CHD6: variants seen among roughly 807,000 people sequenced by gnomAD.
The protein encoded by CHD6 is ATP-dependent chromatin remodeler CHD6.
CHD6 carries 50 observed loss-of-function variants against 276.9 expected under a neutral mutation model. The observed-to-expected ratio is 0.18, with a 90% confidence interval of 0.14 to 0.23. The LOEUF (loss-of-function observed/expected upper bound fraction) is 0.23. Among genes scored for constraint, CHD6 ranks in the 10% least tolerant of loss-of-function variants. CHD6 has a pLI of 1.00. For synonymous variants in CHD6, 1,173 were observed against 1,229.3 expected (o/e 0.95, Z 0.96); for missense variants, 2,564 against 3,365.8 (o/e 0.76, Z 5.89).
At chr20:41,592,641 AT>A (rs1483117532) in intron 1 of CHD6, among the ~76,000 whole-genome samples, 1 of 152,240 alleles carries the variant, frequency 6.6e-6, no homozygotes, top group Non-Finnish European at 1.5e-5. Flanking sequence ...AGATTTAAAA[AT>A]GCCTGCTTCT....
intron 3 of CHD6, among the ~76,000 whole-genome samples, chr20:41,516,320 T>C (rs6102444): frequency 0.38 from 57,227 of 151,902 alleles, 13,406 homozygotes; most frequent in African/African-American, 0.64. Context: ...TCACCACGCA[T>C]GGCTAATTGT....
chr20:41,488,350 T>G, intron 13 of CHD6, 78 bp downstream of exon 13: 1 of 1,292,856 alleles, frequency 7.7e-7, no homozygotes, highest in Non-Finnish European at 1.1e-6. Context: ...ATAAGTTACA[T>G]GCAGAATGGC....
chr20:41,409,170 G>A (rs1324598753), intron 36 of CHD6, among the ~76,000 whole-genome samples: 1 of 152,186 alleles, frequency 6.6e-6, no homozygotes, highest in Non-Finnish European at 1.5e-5. Context: ...GCTGGCAAAG[G>A]AAGTCAGCTT....
At chr20:41,423,356 T>C (rs1379854981) in intron 30 of CHD6, 136 bp downstream of exon 30, 2 of 765,376 alleles carry the variant, frequency 2.6e-6, no homozygotes, top group Non-Finnish European at 4.4e-6. Flanking sequence ...CATGAATTTC[T>C]AAAAGCCACT....
At chr20:41,483,204 T>G in intron 16 of CHD6, 105 bp downstream of exon 16, 1 of 976,226 alleles carries the variant, frequency 1.0e-6, no homozygotes, top group Non-Finnish European at 1.5e-6. Flanking sequence ...TTTCCTCCGT[T>G]TTTGAATGTT....
At chr20:41,485,948 AAAAT>A (rs1285912924) in intron 14 of CHD6, 2 of 152,294 alleles carry the variant, frequency 1.3e-5, no homozygotes, top group African/African-American at 2.4e-5. Flanking sequence ...GTCGATTAAA[AAAAT>A]AAAGCCAAAA....
At chr20:41,418,121 G>A (rs892298192) in intron 31 of CHD6, among the ~76,000 whole-genome samples, 8 of 152,164 alleles carry the variant, frequency 5.3e-5, no homozygotes, top group African/African-American at 1.7e-4. Context: ...GAGCTGCAGC[G>A]ACCTGACCAT....
intron 1 of CHD6, among the ~76,000 whole-genome samples, chr20:41,573,363 A>T (rs1410458347): frequency 6.6e-6 from 1 of 152,240 alleles, no homozygotes; most frequent in African/African-American, 2.4e-5. Flanking sequence ...TAACTATCTG[A>T]TGAATGAATG....
chr20:41,519,256 C>G (rs1535224), intron 3 of CHD6, among the ~76,000 whole-genome samples: 70,691 of 151,920 alleles, frequency 0.47, 17,753 homozygotes, highest in African/African-American at 0.66. Flanking sequence ...GCACTCCAAC[C>G]TGACTGTCAG....
chr20:41,413,615 T>C, intron 34 of CHD6, 100 bp from the exon 35 acceptor site: 1 of 1,024,400 alleles, frequency 9.8e-7, no homozygotes, highest in Admixed American at 2.9e-5. Flanking sequence ...ACTCCACCTA[T>C]TTCCACCCTG....
chr20:41,607,776 A>C (rs557300012), intron 1 of CHD6, among the ~76,000 whole-genome samples: 29 of 152,004 alleles, frequency 1.9e-4, no homozygotes, highest in Admixed American at 1.8e-3. Flanking sequence ...GAAAAAAAAA[A>C]AAAAAACACC....
chr20:41,420,255 C>A (rs952571554), intron 31 of CHD6, among the ~76,000 whole-genome samples: 3 of 152,210 alleles, frequency 2.0e-5, no homozygotes, highest in Non-Finnish European at 2.9e-5. Flanking sequence ...TGAAAACACA[C>A]AAGCCCCTGC....
intron 36 of CHD6, among the ~76,000 whole-genome samples, chr20:41,406,290 C>A (rs138942022): frequency 6.6e-6 from 1 of 152,342 alleles, no homozygotes; most frequent in Non-Finnish European, 1.5e-5. Flanking sequence ...GAGGTTCACT[C>A]TCCAATTTTC....
chr20:41,590,394 C>G (rs926885348), intron 1 of CHD6, among the ~76,000 whole-genome samples: 3 of 152,130 alleles, frequency 2.0e-5, no homozygotes, highest in Non-Finnish European at 4.4e-5. Flanking sequence ...AGCTTCTGCA[C>G]AGCAAAAGAA....
At chr20:41,589,133 T>C (rs999538560) in intron 1 of CHD6, among the ~76,000 whole-genome samples, 5 of 152,294 alleles carry the variant, frequency 3.3e-5, no homozygotes, top group African/African-American at 2.4e-5. Flanking sequence ...ATTATCTCAA[T>C]AGATGCAGAA....
intron 1 of CHD6, among the ~76,000 whole-genome samples, chr20:41,555,766 G>C (rs1314110061): frequency 6.6e-6 from 1 of 151,746 alleles, no homozygotes; most frequent in Non-Finnish European, 1.5e-5. Context: ...TCACTTTCCA[G>C]ACTGGGCAGC....
At chr20:41,584,369 C>T (rs6016582) in intron 1 of CHD6, among the ~76,000 whole-genome samples, 60,816 of 151,998 alleles carry the variant, frequency 0.4, 15,628 homozygotes, top group African/African-American at 0.71. Flanking sequence ...AGGAGAAATA[C>T]ACATATCCAT....
At chr20:41,455,731 T>A in intron 19 of CHD6, 69 bp downstream of exon 19, 1 of 1,056,036 alleles carries the variant, frequency 9.5e-7, no homozygotes, top group Non-Finnish European at 1.3e-6. Flanking sequence ...GCCCTGCTAA[T>A]GGGTTTCAGA....
intron 16 of CHD6, among the ~76,000 whole-genome samples, chr20:41,476,712 A>G (rs2043174980): frequency 6.6e-6 from 1 of 152,118 alleles, no homozygotes; most frequent in South Asian, 2.1e-4. Flanking sequence ...TTACTGAGAC[A>G]ATAGTGTATA....
Sources: gnomAD v4.1 joint callset for allele counts (sites outside exome capture counted in the v4.1 genomes callset) on GRCh38, gnomAD v4.1.1 for gene constraint, MANE v1.5 for transcripts, NCBI Gene and HGNC (gene_info 2026-07-23, HGNC 2026-07-21) for gene names.